RIMS2: variants seen among roughly 807,000 people sequenced by gnomAD.
RIMS2 encodes the protein regulating synaptic membrane exocytosis 2.
A neutral mutation model predicts 174.4 loss-of-function variants in RIMS2; 59 were observed. That is an observed-to-expected ratio of 0.34 (90% CI 0.27 to 0.42). The LOEUF is 0.42. Among genes scored for constraint, RIMS2 ranks in the 10% least tolerant of loss-of-function variants. The probability of loss-of-function intolerance (pLI) is 1.00; values close to 1 mark genes in which losing one functional copy is unlikely to be tolerated. For synonymous variants in RIMS2, 606 were observed against 572.5 expected, an observed-to-expected ratio of 1.06 and a Z score of -0.84; for missense variants, 1,620 against 1,666.3, an observed-to-expected ratio of 0.97 and a Z score of 0.48.
chr8:103,988,261 A>G (rs2094484047), intron 16 of RIMS2, among the ~76,000 whole-genome samples: 1 of 152,208 alleles, frequency 6.6e-6, no homozygotes, highest in Non-Finnish European at 1.5e-5. Flanking sequence ...TTGACATATG[A>G]TGATAAAGTG....
At chr8:103,566,733 T>G (rs140661439) in intron 1 of RIMS2, among the ~76,000 whole-genome samples, 1 of 152,300 alleles carries the variant, frequency 6.6e-6, no homozygotes, top group South Asian at 2.1e-4. Flanking sequence ...CTTTCCTATA[T>G]CCTTGTACTG....
rs939932521 is a variant in RIMS2, at chr8:103,918,727, A to G, written c.2083+240A>G. On this transcript the variant is annotated intron_variant, in intron 9 of 23. Transcript: ENST00000504942. ...TACAGATTTTTAGATAGCATTATTA[A>G]GGTATACTACAATAAACTGCATATA... 6.7e-5 allele frequency: 31 copies of G among 465,846 alleles called. 1 individual carries two copies. Among genetic ancestry groups the G allele is most frequent in the South Asian group, 4.2e-4 (15 of 35,486 alleles). The allele number at this position is 465,846 out of a possible 1,614,324, so 28.9% of individuals were successfully genotyped here. A position where few individuals can be genotyped will look rare whatever the true frequency, so the allele number is the denominator to read the frequency against.
chr8:103,767,800 T>C (rs1367671190), intron 3 of RIMS2, among the ~76,000 whole-genome samples: 2 of 152,232 alleles, frequency 1.3e-5, no homozygotes, highest in African/African-American at 2.4e-5. Context: ...GAACAGTACA[T>C]GTAATCCTAT....
intron 1 of RIMS2, among the ~76,000 whole-genome samples, chr8:103,670,947 T>C (rs924685148): frequency 6.6e-6 from 1 of 152,210 alleles, no homozygotes; most frequent in African/African-American, 2.4e-5. Context: ...ACCTGCTTAC[T>C]GTATTAGTCC....
At chr8:104,006,626 TTCTCTCTCTCTC>T (rs55665972) in intron 17 of RIMS2, among the ~76,000 whole-genome samples, 2,986 of 138,196 alleles carry the variant, frequency 0.022, 88 homozygotes, top group African/African-American at 0.061. Flanking sequence ...AGTGATCTAT[TTCTCTCTCTCTC>T]TCTCTCTCTC....
chr8:103,600,988 T>A (rs1263923902), intron 1 of RIMS2, among the ~76,000 whole-genome samples: 2 of 152,228 alleles, frequency 1.3e-5, no homozygotes, highest in African/African-American at 4.8e-5. Context: ...TATAAGCCTG[T>A]TTGTCATTTG....
At chr8:104,254,664 T>C (rs1006841355), downstream of RIMS2, 3 of 152,230 alleles carry the variant, frequency 2.0e-5, no homozygotes, top group African/African-American at 7.2e-5. Flanking sequence ...TTATTTTGGA[T>C]TGAGTTTCTT....
chr8:103,824,183 A>G (rs533791971), intron 3 of RIMS2, among the ~76,000 whole-genome samples: 1 of 152,262 alleles, frequency 6.6e-6, no homozygotes, highest in South Asian at 2.1e-4. Flanking sequence ...CTTTATTGAA[A>G]GAAGTTTTAT....
At chr8:103,528,048 A>T (rs1834983543) in intron 1 of RIMS2, among the ~76,000 whole-genome samples, 1 of 152,080 alleles carries the variant, frequency 6.6e-6, no homozygotes, top group African/African-American at 2.4e-5. Flanking sequence ...CCTCTCCAGC[A>T]CCTGTTGTTT....
At chr8:104,065,317 C>T (rs1378388054) in intron 19 of RIMS2, among the ~76,000 whole-genome samples, 2 of 152,014 alleles carry the variant, frequency 1.3e-5, no homozygotes, top group Non-Finnish European at 2.9e-5. Context: ...TGATCCTTTC[C>T]TCAACTAGTG....
intron 19 of RIMS2, among the ~76,000 whole-genome samples, chr8:104,027,445 C>A (rs2154555802): frequency 6.6e-6 from 1 of 152,288 alleles, no homozygotes; most frequent in Admixed American, 6.5e-5. Flanking sequence ...AAAAGAACTC[C>A]CTTTCACCTC....
At chr8:103,768,780 G>A (rs2098212637) in intron 3 of RIMS2, 3 of 731,482 alleles carry the variant, frequency 4.1e-6, no homozygotes, top group Admixed American at 3.6e-5. Flanking sequence ...AAGAAGGTAA[G>A]AAACCTAGGA....
At chr8:103,761,200 C>T (rs1031867855) in intron 2 of RIMS2, among the ~76,000 whole-genome samples, 1 of 152,152 alleles carries the variant, frequency 6.6e-6, no homozygotes, top group South Asian at 2.1e-4. Context: ...GGAGAAAGCA[C>T]ACAATTTGTT....
chr8:104,218,076 T>G (rs940355037), intron 19 of RIMS2, among the ~76,000 whole-genome samples: 1 of 152,220 alleles, frequency 6.6e-6, no homozygotes, highest in Non-Finnish European at 1.5e-5. Context: ...CGTATCTATC[T>G]TCACAACTGA....
At chr8:103,566,247 C>T (rs2092333857) in intron 1 of RIMS2, among the ~76,000 whole-genome samples, 1 of 152,174 alleles carries the variant, frequency 6.6e-6, no homozygotes, top group African/African-American at 2.4e-5. Flanking sequence ...CTTCCCCATT[C>T]CTGTAGCTGG....
intron 3 of RIMS2, among the ~76,000 whole-genome samples, chr8:103,770,664 G>C (rs1366308444): frequency 1.3e-5 from 2 of 151,726 alleles, no homozygotes; most frequent in East Asian, 1.9e-4. Context: ...TCTTAGTGTT[G>C]TTGAAATTTC....
chr8:104,168,619 C>A (rs1221345654), intron 19 of RIMS2, among the ~76,000 whole-genome samples: 1 of 151,998 alleles, frequency 6.6e-6, no homozygotes, highest in Admixed American at 6.6e-5. Flanking sequence ...GTTTGACTTC[C>A]TCTTTTCCAA....
At chr8:103,819,229 C>T (rs561202338) in intron 3 of RIMS2, 295 of 1,247,292 alleles carry the variant, frequency 2.4e-4, no homozygotes, top group Non-Finnish European at 2.9e-4. Flanking sequence ...CACACTTCAG[C>T]TGGGAATGCC....
chr8:104,024,381 G>T (rs1213739870), intron 19 of RIMS2, among the ~76,000 whole-genome samples: 2 of 152,200 alleles, frequency 1.3e-5, no homozygotes, highest in East Asian at 3.9e-4. Flanking sequence ...TATAGATAAA[G>T]GAGGAGAATT....
Sources: allele counts gnomAD v4.1 joint callset (sites outside exome capture counted in the v4.1 genomes callset), GRCh38; gene constraint gnomAD v4.1.1; transcripts MANE v1.5; gene names NCBI Gene and HGNC (gene_info 2026-07-23, HGNC 2026-07-21).